PARD3B: variants seen among roughly 807,000 people sequenced by gnomAD.
PARD3B encodes partitioning defective 3 homolog B.
A neutral mutation model predicts 130.2 loss-of-function variants in PARD3B; 103 were observed. The observed-to-expected ratio is 0.79, with a 90% CI of 0.67 to 0.93. PARD3B has a LOEUF of 0.93. Among genes scored for constraint, PARD3B ranks in the 40% least tolerant of loss-of-function variants. The probability of loss-of-function intolerance (pLI) is 0.00; values close to 1 mark genes in which losing one functional copy is unlikely to be tolerated. For synonymous variants in PARD3B, 583 were observed against 553.2 expected (o/e 1.05, Z -0.76); for missense variants, 1,609 against 1,499.2 (o/e 1.07, Z -1.21).
At chr2:204,824,510 G>A (rs1012477997) in intron 2 of PARD3B, among the ~76,000 whole-genome samples, 7 of 152,052 alleles carry the variant, frequency 4.6e-5, no homozygotes, top group African/African-American at 1.7e-4. Flanking sequence ...AGCCCTCCTT[G>A]AACTATCTCT....
intron 18 of PARD3B, among the ~76,000 whole-genome samples, chr2:205,313,502 C>A (rs979138284): frequency 2.6e-5 from 4 of 152,156 alleles, no homozygotes; most frequent in African/African-American, 9.7e-5. Flanking sequence ...TCCCCTCCTA[C>A]CCTATGTAAT....
chr2:204,621,479 G>A (rs560741402), intron 1 of PARD3B, among the ~76,000 whole-genome samples: 2 of 152,238 alleles, frequency 1.3e-5, no homozygotes, highest in South Asian at 4.1e-4. Context: ...TAATATCCTT[G>A]AATTAATTTT....
chr2:205,390,023 C>G (rs2045796031), intron 18 of PARD3B, among the ~76,000 whole-genome samples: 1 of 151,988 alleles, frequency 6.6e-6, no homozygotes, highest in Non-Finnish European at 1.5e-5. Context: ...GAGCTTTCAC[C>G]TTTTAATAAC....
chr2:204,628,998 T>C (rs748659371), intron 1 of PARD3B, among the ~76,000 whole-genome samples: 3 of 152,194 alleles, frequency 2.0e-5, no homozygotes, highest in Non-Finnish European at 4.4e-5. Flanking sequence ...AGTTAATACA[T>C]GTTATTTGGA....
Position 205,558,665 on chromosome 2 carries a change from A to T in PARD3B, c.3260+5262A>T, listed in dbSNP as rs552589775. On this transcript the variant is annotated intron_variant, in intron 22 of 22. Coordinates refer to ENST00000406610, the MANE Select transcript of PARD3B (RefSeq NM_001302769.2). This position sits in a 1 kb window ranked among gnomAD's most constrained non-coding sequence, Gnocchi z 4.8. ...GCTTCCCGCCTTTTGCTCCACATGG[A>T]TTCTCTCTGTGCCGTCTCCTCCATT... Among the ~76,000 whole-genome samples, 27 of 151,786 alleles carry T rather than the reference A, an allele frequency of 1.8e-4. No homozygotes were observed. The highest frequency in any genetic ancestry group is 3.5e-4 in the Non-Finnish European group (24 of 67,960).
At chr2:205,109,157 C>T (rs1703443498) in intron 5 of PARD3B, among the ~76,000 whole-genome samples, 1 of 152,156 alleles carries the variant, frequency 6.6e-6, no homozygotes, top group African/African-American at 2.4e-5. Context: ...ATCTCATCAC[C>T]AACAACAAAG....
intron 19 of PARD3B, among the ~76,000 whole-genome samples, chr2:205,425,566 A>AC (rs1459655749): frequency 6.6e-6 from 1 of 151,884 alleles, no homozygotes; most frequent in Non-Finnish European, 1.5e-5. Flanking sequence ...AAAAAAAAAA[A>AC]AACAACAACA....
At chr2:204,550,412 C>CTGTGTGTG (rs3051346) in intron 1 of PARD3B, among the ~76,000 whole-genome samples, 11,287 of 144,262 alleles carry the variant, frequency 0.078, 569 homozygotes, top group South Asian at 0.14. Context: ...GGAGGGCTGA[C>CTGTGTGTG]TGTGTGTGTG....
chr2:204,851,786 G>T (rs1187634212), intron 2 of PARD3B, among the ~76,000 whole-genome samples: 1 of 151,520 alleles, frequency 6.6e-6, no homozygotes, highest in South Asian at 2.1e-4. Context: ...TCTGCCTCCA[G>T]GCTTCAAGTG....
At chr2:205,303,124 A>G (rs1020768930) in intron 18 of PARD3B, among the ~76,000 whole-genome samples, 1 of 151,980 alleles carries the variant, frequency 6.6e-6, no homozygotes. Context: ...AAAATATGCA[A>G]TCCAATATAA....
At chr2:205,294,167 A>G (rs1210557430) in intron 16 of PARD3B, among the ~76,000 whole-genome samples, 1 of 151,830 alleles carries the variant, frequency 6.6e-6, no homozygotes, top group Non-Finnish European at 1.5e-5. Flanking sequence ...CTAAGGGAGG[A>G]AAGAATGAAA....
At chr2:205,425,353 T>C (rs548232118) in intron 19 of PARD3B, among the ~76,000 whole-genome samples, 37 of 152,224 alleles carry the variant, frequency 2.4e-4, no homozygotes, top group African/African-American at 8.7e-4. Flanking sequence ...GCTTAATGGG[T>C]CTGGGAAAGG....
intron 16 of PARD3B, among the ~76,000 whole-genome samples, chr2:205,257,475 A>G (rs1025481982): frequency 2.6e-5 from 4 of 152,314 alleles, no homozygotes; most frequent in Admixed American, 2.0e-4. Context: ...CTGGTGACAG[A>G]GACATTTTAC....
intron 20 of PARD3B, among the ~76,000 whole-genome samples, chr2:205,495,559 A>G (rs1223613979): frequency 6.6e-6 from 1 of 152,178 alleles, no homozygotes; most frequent in Non-Finnish European, 1.5e-5. Flanking sequence ...TTCTGAAGCT[A>G]TTTCTAGAAT....
chr2:204,808,096 A>G (rs1273037228), intron 2 of PARD3B, among the ~76,000 whole-genome samples: 1 of 152,058 alleles, frequency 6.6e-6, no homozygotes, highest in Non-Finnish European at 1.5e-5. Context: ...TATATCTACT[A>G]TATATTCATA....
chr2:204,655,215 ACT>A (rs1344589978), intron 1 of PARD3B, among the ~76,000 whole-genome samples: 1 of 151,916 alleles, frequency 6.6e-6, no homozygotes, highest in Non-Finnish European at 1.5e-5. Context: ...TTTTTGGAAA[ACT>A]CTGTCCATTT....
At chr2:204,652,788 T>A (rs1028785353) in intron 1 of PARD3B, among the ~76,000 whole-genome samples, 1 of 151,450 alleles carries the variant, frequency 6.6e-6, no homozygotes, top group African/African-American at 2.5e-5. Flanking sequence ...CAAGGAAGCA[T>A]GAATGGGAGG....
intron 4 of PARD3B, among the ~76,000 whole-genome samples, chr2:205,097,966 AT>A (rs1702502652): frequency 6.6e-6 from 1 of 152,132 alleles, no homozygotes; most frequent in African/African-American, 2.4e-5. Flanking sequence ...GGCATAAAAA[AT>A]ATATATGAAG....
At chr2:205,420,777 A>G (rs1165154832) in intron 19 of PARD3B, among the ~76,000 whole-genome samples, 1 of 152,196 alleles carries the variant, frequency 6.6e-6, no homozygotes, top group Non-Finnish European at 1.5e-5. Flanking sequence ...ATTATTTGCA[A>G]GCAGGTCACC....
Sources: allele counts gnomAD v4.1 joint callset (sites outside exome capture counted in the v4.1 genomes callset), GRCh38; gene constraint gnomAD v4.1.1; non-coding constraint Gnocchi (gnomAD v3.1); transcripts MANE v1.5; gene names NCBI Gene and HGNC (gene_info 2026-07-23, HGNC 2026-07-21).